Variants in PALM2AKAP2 observed in about 807,000 individuals in gnomAD.
PALM2AKAP2 encodes PALM2-AKAP2 fusion protein.
Under a neutral mutation model 71.5 loss-of-function variants are expected in PALM2AKAP2, and 37 were observed. The observed-to-expected ratio is 0.52, with a 90% CI of 0.40 to 0.68. The LOEUF is 0.68. Ranked by LOEUF, PALM2AKAP2 falls within the 30% of genes least tolerant of loss-of-function variation. The pLI is 0.00. For synonymous variants in PALM2AKAP2, 468 were observed against 478.8 expected (o/e 0.98, Z 0.29); for missense variants, 1,224 against 1,191.8 (o/e 1.03, Z -0.40).
intron 3 of PALM2AKAP2, among the ~76,000 whole-genome samples, chr9:110,159,671 G>A (rs557884668): frequency 2.0e-5 from 3 of 152,252 alleles, no homozygotes; most frequent in East Asian, 1.9e-4. Context: ...ATGTAGCTAC[G>A]GCTGAAGTTT....
At chr9:109,852,075 T>TA (rs77135262) in intron 1 of PALM2AKAP2, among the ~76,000 whole-genome samples, 1,547 of 150,288 alleles carry the variant, frequency 0.01, 8 homozygotes, top group Middle Eastern at 0.017. Flanking sequence ...GATCAGCTTT[T>TA]AAAAAAAAAA....
intron 1 of PALM2AKAP2, among the ~76,000 whole-genome samples, chr9:109,771,655 G>C (rs373419306): frequency 1.3e-4 from 20 of 152,302 alleles, no homozygotes; most frequent in African/African-American, 4.8e-4. Context: ...CGCAGGAAAA[G>C]CTATCTCAAT....
chr9:109,889,997 C>T (rs555266435), intron 3 of PALM2AKAP2, among the ~76,000 whole-genome samples: 82 of 152,328 alleles, frequency 5.4e-4, no homozygotes, highest in Middle Eastern at 3.4e-3. Context: ...TTTCTCTCTA[C>T]AAAAAGCTTT....
intron 1 of PALM2AKAP2, among the ~76,000 whole-genome samples, chr9:109,834,547 G>A (rs1237941631): frequency 2.0e-5 from 3 of 152,132 alleles, no homozygotes; most frequent in Admixed American, 6.5e-5. Flanking sequence ...TGAGGACCTT[G>A]GGGGATTGCC....
intron 7 of PALM2AKAP2, among the ~76,000 whole-genome samples, chr9:110,041,248 G>A (rs1302949189): frequency 6.9e-6 from 1 of 144,102 alleles, no homozygotes; most frequent in Non-Finnish European, 1.5e-5. Context: ...TCCAACACAG[G>A]TCTTCCCATG....
intron 1 of PALM2AKAP2, among the ~76,000 whole-genome samples, chr9:109,649,493 C>T (rs893808972): frequency 3.3e-5 from 5 of 152,126 alleles, no homozygotes; most frequent in African/African-American, 1.2e-4. Flanking sequence ...GCACATTTTG[C>T]ACTTTTTAAA....
chr9:110,015,871 G>A, intron 6 of PALM2AKAP2, 83 bp from the exon 7 acceptor site: 1 of 1,248,710 alleles, frequency 8.0e-7, no homozygotes, highest in Non-Finnish European at 1.2e-6. Context: ...AGTCACATGG[G>A]ATTGTAATCT....
chr9:110,136,593 A>G (rs755302002), exon 2 of PALM2AKAP2: 6 of 1,613,898 alleles, frequency 3.7e-6, no homozygotes, highest in East Asian at 2.2e-5. Context: ...GAGCTCAGTA[A>G]TAGCAGCCCT....
intron 1 of PALM2AKAP2, among the ~76,000 whole-genome samples, chr9:110,133,319 A>G (rs1835775497): frequency 6.6e-6 from 1 of 152,174 alleles, no homozygotes; most frequent in Non-Finnish European, 1.5e-5. Context: ...AAAGAGAAGC[A>G]ATTTCTTCAC....
intron 1 of PALM2AKAP2, among the ~76,000 whole-genome samples, chr9:110,073,461 TG>T (rs1478681453): frequency 6.6e-6 from 1 of 152,174 alleles, no homozygotes; most frequent in Admixed American, 6.5e-5. Flanking sequence ...ACATTGTGTG[TG>T]ATCCAGACTC....
At chr9:109,775,555 A>G (rs72750902), upstream of PALM2AKAP2, among the ~76,000 whole-genome samples, 3,850 of 152,364 alleles carry the variant, frequency 0.025, 79 homozygotes, top group Non-Finnish European at 0.044. Context: ...CTGTGCAGCT[A>G]TCACATATGT....
intron 7 of PALM2AKAP2, among the ~76,000 whole-genome samples, chr9:110,022,734 C>G (rs1411200816): frequency 6.6e-6 from 1 of 152,126 alleles, no homozygotes; most frequent in Non-Finnish European, 1.5e-5. Flanking sequence ...CCCTCTCCCC[C>G]CACCCCACAA....
chr9:109,651,650 C>G (rs559349949), intron 1 of PALM2AKAP2, among the ~76,000 whole-genome samples: 2 of 152,230 alleles, frequency 1.3e-5, no homozygotes, highest in East Asian at 3.9e-4. Context: ...CATTGGACCT[C>G]AAGGTTCCAA....
At chr9:110,041,277 A>T (rs747520167) in intron 7 of PALM2AKAP2, among the ~76,000 whole-genome samples, 1 of 134,862 alleles carries the variant, frequency 7.4e-6, no homozygotes, top group Non-Finnish European at 1.6e-5. Flanking sequence ...TTGTTGTTGA[A>T]GATTTTAGTT....
At chr9:109,780,291 C>T, upstream of PALM2AKAP2, 2 of 1,233,446 alleles carry the variant, frequency 1.6e-6, no homozygotes, top group Non-Finnish European at 2.0e-6. Flanking sequence ...GCCGGGAGGG[C>T]GGGGGCCAGA....
chr9:110,147,166 G>A (rs1052183167), intron 2 of PALM2AKAP2, among the ~76,000 whole-genome samples: 3 of 150,802 alleles, frequency 2.0e-5, no homozygotes, highest in Non-Finnish European at 2.9e-5. Flanking sequence ...CAGGAGAATC[G>A]CCTGAACCTG....
At chr9:109,771,733 G>C (rs778788581) in intron 1 of PALM2AKAP2, among the ~76,000 whole-genome samples, 5 of 152,148 alleles carry the variant, frequency 3.3e-5, no homozygotes, top group Non-Finnish European at 7.3e-5. Flanking sequence ...GAGAAGTAAG[G>C]CATTAGAGGA....
At chr9:109,813,880 C>A (rs146569794) in intron 1 of PALM2AKAP2, among the ~76,000 whole-genome samples, 1 of 152,318 alleles carries the variant, frequency 6.6e-6, no homozygotes, top group East Asian at 1.9e-4. Context: ...CGCCCTGCAC[C>A]CTAACTGATC....
chr9:109,884,793 T>G (rs1316663755), intron 3 of PALM2AKAP2, among the ~76,000 whole-genome samples: 2 of 152,228 alleles, frequency 1.3e-5, no homozygotes, highest in African/African-American at 4.8e-5. Context: ...AGTACAGTTG[T>G]GCCCTGAAGG....
Sources: gnomAD v4.1 joint callset for allele counts (sites outside exome capture counted in the v4.1 genomes callset) on GRCh38, gnomAD v4.1.1 for gene constraint, MANE v1.5 for transcripts, NCBI Gene and HGNC (gene_info 2026-07-23, HGNC 2026-07-21) for gene names.